Variants in RBM47 observed in about 807,000 individuals in gnomAD.
RBM47 encodes the protein RNA binding motif protein 47.
Under a neutral mutation model 47.1 loss-of-function variants are expected in RBM47, and 21 were observed. That is an observed-to-expected ratio of 0.45 (90% CI 0.32 to 0.64). The LOEUF (loss-of-function observed/expected upper bound fraction) is 0.64, where lower values mean the gene tolerates loss of function less well. Among genes scored for constraint, RBM47 ranks in the 30% least tolerant of loss-of-function variants. The pLI, the probability that RBM47 is intolerant of heterozygous loss-of-function variation, is 0.05. For synonymous variants in RBM47, 375 were observed against 361.7 expected (o/e 1.04, Z -0.42); for missense variants, 708 against 870.9 (o/e 0.81, Z 2.35).
At chr4:40,561,753 T>C (rs1560470222) in intron 1 of RBM47, among the ~76,000 whole-genome samples, 2 of 152,048 alleles carry the variant, frequency 1.3e-5, no homozygotes, top group South Asian at 2.1e-4. Flanking sequence ...TTTCGTTATG[T>C]TGCGCAAGCT....
In RBM47 at chr4:40,510,388, A is replaced by G. The variant is rs117809623; in HGVS notation, c.-155+34034T>C. On this transcript the variant is annotated intron_variant, in intron 2 of 6. Transcript: ENST00000295971. ...TGTTTCCTTTCATTCATTTATTCAT[A>G]TATCTGGTACATATTTTTGAACACG... Among the ~76,000 whole-genome samples, 42 of 152,178 alleles carry G rather than the reference A, an allele frequency of 2.8e-4. No homozygotes were observed. In the East Asian group the frequency reaches 4.4e-3, roughly 16 times the overall value.
chr4:40,554,067 C>CGT (rs963631198), intron 1 of RBM47, among the ~76,000 whole-genome samples: 1 of 151,620 alleles, frequency 6.6e-6, no homozygotes. Flanking sequence ...TGCACAGTCC[C>CGT]GTATTCATCT....
chr4:40,480,258 G>A (rs1030999293), intron 2 of RBM47, among the ~76,000 whole-genome samples: 1 of 152,040 alleles, frequency 6.6e-6, no homozygotes, highest in Non-Finnish European at 1.5e-5. Flanking sequence ...GATTACAGCC[G>A]TGAGCCACGC....
At chr4:40,594,804 TG>T (rs1456999686) in intron 1 of RBM47, among the ~76,000 whole-genome samples, 2 of 152,226 alleles carry the variant, frequency 1.3e-5, no homozygotes, top group East Asian at 3.8e-4. Context: ...GTATCTCTTT[TG>T]TAAGTACTAT....
intron 1 of RBM47, among the ~76,000 whole-genome samples, chr4:40,550,722 T>C (rs536110344): frequency 2.0e-5 from 3 of 152,066 alleles, no homozygotes; most frequent in African/African-American, 7.2e-5. Context: ...CCTGGCCCTA[T>C]CATATGTAAA....
At chr4:40,545,047 CCTTT>C (rs1728887097) in intron 1 of RBM47, among the ~76,000 whole-genome samples, 1 of 133,766 alleles carries the variant, frequency 7.5e-6, no homozygotes, top group African/African-American at 3.0e-5. Flanking sequence ...AGAGTGAGAT[CCTTT>C]TTTTTTTTTT....
chr4:40,466,000 C>A (rs941505350), intron 3 of RBM47, among the ~76,000 whole-genome samples: 1 of 152,074 alleles, frequency 6.6e-6, no homozygotes, highest in Non-Finnish European at 1.5e-5. Context: ...GGTGCTGTGG[C>A]TCATGTCCGT....
chr4:40,626,690 C>G (rs1234937200), intron 1 of RBM47, among the ~76,000 whole-genome samples: 1 of 152,130 alleles, frequency 6.6e-6, no homozygotes, highest in Non-Finnish European at 1.5e-5. Context: ...ACGAGATCGC[C>G]CTCCCCACTG....
chr4:40,505,776 C>T (rs898933234), intron 2 of RBM47, among the ~76,000 whole-genome samples: 9 of 151,656 alleles, frequency 5.9e-5, no homozygotes, highest in Non-Finnish European at 1.2e-4. Flanking sequence ...CTGTAGTCCC[C>T]AGCTACTCAG....
chr4:40,500,706 A>G (rs964107409), intron 2 of RBM47, among the ~76,000 whole-genome samples: 3 of 152,226 alleles, frequency 2.0e-5, no homozygotes, highest in Non-Finnish European at 4.4e-5. Flanking sequence ...TTGCAGGGAT[A>G]ACAACATAGT....
chr4:40,470,953 G>A (rs113598274), intron 2 of RBM47, among the ~76,000 whole-genome samples: 1 of 152,270 alleles, frequency 6.6e-6, no homozygotes, highest in Non-Finnish European at 1.5e-5. Flanking sequence ...ATGTTGGCCA[G>A]GCTGGTCCTG....
intron 2 of RBM47, among the ~76,000 whole-genome samples, chr4:40,498,054 T>TTTTATATATATA (rs1553890649): frequency 5.5e-5 from 6 of 109,868 alleles, no homozygotes; most frequent in African/African-American, 1.9e-4. Flanking sequence ...AGTGCTTGTT[T>TTTTATATATATA]TATATATATA....
At chr4:40,495,545 C>T (rs535334266) in intron 2 of RBM47, among the ~76,000 whole-genome samples, 3 of 151,470 alleles carry the variant, frequency 2.0e-5, no homozygotes, top group Non-Finnish European at 2.9e-5. Context: ...GAGGTTGCAG[C>T]GAGCCAAGAT....
At chr4:40,604,554 G>T (rs1177439536) in intron 1 of RBM47, among the ~76,000 whole-genome samples, 1 of 152,162 alleles carries the variant, frequency 6.6e-6, no homozygotes, top group Non-Finnish European at 1.5e-5. Flanking sequence ...TTGAGCCTGG[G>T]AGTTAAAGGC....
At chr4:40,557,016 C>T (rs772422039) in intron 1 of RBM47, among the ~76,000 whole-genome samples, 3 of 152,068 alleles carry the variant, frequency 2.0e-5, no homozygotes, top group Non-Finnish European at 4.4e-5. Flanking sequence ...AGTGTACGCT[C>T]ATTAAAAATT....
intron 3 of RBM47, among the ~76,000 whole-genome samples, chr4:40,453,134 C>T (rs1476957990): frequency 6.6e-6 from 1 of 152,046 alleles, no homozygotes. Flanking sequence ...CCACTGTACC[C>T]GGCCCATTTC....
At chr4:40,433,357 T>C (rs1711668012) in intron 5 of RBM47, among the ~76,000 whole-genome samples, 1 of 152,142 alleles carries the variant, frequency 6.6e-6, no homozygotes, top group African/African-American at 2.4e-5. Flanking sequence ...GCCTGCTCCC[T>C]AGAGGAAGGG....
intron 2 of RBM47, among the ~76,000 whole-genome samples, chr4:40,473,553 TAAACAGTAAATGATATTCTC>T (rs1437891348): frequency 6.6e-6 from 1 of 152,250 alleles, no homozygotes; most frequent in African/African-American, 2.4e-5. Context: ...TATTCAGCTT[TAAACAGTAAATGATATTCTC>T]AACCTAGGTT....
intron 1 of RBM47, among the ~76,000 whole-genome samples, chr4:40,550,501 C>A (rs376573729): frequency 3.9e-5 from 6 of 152,278 alleles, no homozygotes; most frequent in African/African-American, 1.2e-4. Context: ...TCACTGCAAC[C>A]TCATCCTCCT....
Sources: allele counts gnomAD v4.1 joint callset (sites outside exome capture counted in the v4.1 genomes callset), GRCh38; gene constraint gnomAD v4.1.1; transcripts MANE v1.5; gene names NCBI Gene and HGNC (gene_info 2026-07-23, HGNC 2026-07-21).